Variants in SETD1B observed in about 807,000 individuals in gnomAD.
SETD1B encodes the protein histone-lysine N-methyltransferase SETD1B.
SETD1B carries 7 observed loss-of-function variants against 148.0 expected under a neutral mutation model. That is an observed-to-expected ratio of 0.05 (90% CI 0.03 to 0.09). The LOEUF is 0.09. SETD1B is among the 10% of genes least tolerant of loss of function. The probability of loss-of-function intolerance (pLI) is 1.00; values close to 1 mark genes in which losing one functional copy is unlikely to be tolerated. For synonymous variants in SETD1B, 1,361 were observed against 1,186.5 expected (o/e 1.15, Z -3.02); for missense variants, 2,155 against 2,729.9 (o/e 0.79, Z 4.69).
Position 121,817,849 on chromosome 12 carries a change from CGAG to C in SETD1B, c.3366_3368del (p.Glu1122del), listed in dbSNP as rs1251895869. The C allele has an allele frequency of 1.8e-5, 28 of 1,551,152 alleles. No homozygotes were observed. In the East Asian group the frequency reaches 6.6e-4, roughly 37 times the overall value. The stretch of plus-strand genomic sequence containing the variant: ...ACCGGGACGAGTCTGAGAACGATGA[CGAG>C]GACACAGCCCTGTCAGAGGCGAGTG... On this transcript the variant is annotated inframe_deletion, in exon 10 of 17. Transcript: ENST00000604567. This position sits in a 1 kb window ranked among gnomAD's most constrained non-coding sequence, Gnocchi z 8.1.
the SETD1B span, among the ~76,000 whole-genome samples, chr12:121,796,898 C>T: frequency 2.6e-5 from 4 of 152,076 alleles, no homozygotes; most frequent in Non-Finnish European, 4.4e-5. Flanking sequence ...ATTATCCGGG[C>T]GTGGTGGCAC....
chr12:121,827,688 C>CT, intron 14 of SETD1B, 38 bp downstream of exon 14: 1 of 1,551,588 alleles, frequency 6.4e-7, no homozygotes, highest in Non-Finnish European at 8.7e-7. Flanking sequence ...GGGGTGGCGG[C>CT]AGGACCTGAG....
In SETD1B at chr12:121,817,067, A is replaced by G. The variant is rs772573882; in HGVS notation, c.2750A>G (p.Lys917Arg). Residue 917 changes from lysine to arginine, a missense_variant, in exon 8 of 17, where the codon AAG becomes AGG. Physicochemically the swap from Lys to Arg is conservative, Grantham distance 26. Coordinates refer to ENST00000604567, the MANE Select transcript of SETD1B (RefSeq NM_001353345.2). The surrounding 1 kb of genome is among the most constrained non-coding windows in gnomAD (Gnocchi z 8.1). ...SLTPVKSGEHKDEDRPKPKDR... is the reference protein window; with the variant it reads ...SLTPVKSGEHRDEDRPKPKDR... ...ACCCCGGTGAAGTCGGGCGAGCACA[A>G]GGACGAGGACAGGCCGAAGCCCAAG... The G allele has an allele frequency of 5.8e-6, 9 of 1,538,486 alleles. No individual in the cohort carries two copies. The highest frequency in any genetic ancestry group is 7.9e-6 in the Non-Finnish European group (9 of 1,138,450).
In SETD1B at chr12:121,822,477, C is replaced by T. The variant is rs1876605171; in HGVS notation, c.3911-13C>T. ...GAATAGTAAATGTCTCGTGTTCGCT[C>T]ACCTCTCTGCAGAACATGACCTGGA... is the stretch of plus-strand genomic sequence containing the variant. On this transcript the variant is annotated splice_polypyrimidine_tract_variant and intron_variant, in intron 11 of 16. Transcript: ENST00000604567. The T allele has an allele frequency of 1.3e-6, 2 of 1,523,988 alleles. No individual in the cohort carries two copies. Among genetic ancestry groups the T allele is most frequent in the East Asian group, 2.5e-5 (1 of 40,484 alleles). 94.4% of individuals were successfully genotyped at this position (1,523,988 alleles called of 1,614,324 possible).
Position 121,814,226 on chromosome 12 carries a change from G to T in SETD1B, c.2011G>T (p.Ala671Ser). ...GACCCCAGGAGCGGCAGCCGTGGCAGCCCCTTCTGTGCTAGCCCCAACCCT... is the reference window on the plus strand; with the variant it reads ...GACCCCAGGAGCGGCAGCCGTGGCATCCCCTTCTGTGCTAGCCCCAACCCT... ...VVTPGAAAVAAPSVLAPTLPL... is the reference protein window; with the variant it reads ...VVTPGAAAVASPSVLAPTLPL... The change falls in exon 7 of 17, where the codon GCC becomes TCC. Residue 671 changes from alanine (A) to serine (S), a missense_variant. By Grantham distance (99) the Ala-to-Ser change is moderately conservative. Coordinates refer to ENST00000604567, the MANE Select transcript of SETD1B (RefSeq NM_001353345.2). The T allele has an allele frequency of 6.5e-7, 1 of 1,532,678 alleles. No homozygotes were observed. The allele number at this position is 1,532,678 out of a possible 1,614,324, so 94.9% of individuals were successfully genotyped here.
rs1253380882 is a variant in SETD1B, at chr12:121,805,246, C to T, written c.273+30C>T. ...GACCCCTCCCCACTGCCCCGCCGTC[C>T]CTCCCCCACCTCCCCGAGTTCGAAA... On this transcript the variant is annotated intron_variant, in intron 3 of 16. Coordinates refer to ENST00000604567, the MANE Select transcript of SETD1B (RefSeq NM_001353345.2). This position sits in a 1 kb window ranked among gnomAD's most constrained non-coding sequence, Gnocchi z 4.2. 2 of 1,478,078 alleles carry T rather than the reference C, an allele frequency of 1.4e-6. No individual in the cohort carries two copies. The highest frequency in any genetic ancestry group is 1.8e-6 in the Non-Finnish European group (2 of 1,083,082). The allele number at this position is 1,478,078 out of a possible 1,614,324, so 91.6% of individuals were successfully genotyped here.
rs576677469 is a variant in SETD1B, at chr12:121,819,288, T to C, written c.3419-116T>C. ...AGTGAACACATGCCCCACACACATA[T>C]CTGAGGGCCGTGTTCAGCCTGGGTG... On this transcript the variant is annotated intron_variant, in intron 10 of 16. Transcript: ENST00000604567. 4.4e-5 allele frequency: 66 copies of C among 1,502,608 alleles called. 1 individual carries two copies. The Middle Eastern group carries it at 5.4e-4, about 12-fold the overall frequency. The allele number at this position is 1,502,608 out of a possible 1,614,324, so 93.1% of individuals were successfully genotyped here. A position where few individuals can be genotyped will look rare whatever the true frequency, so the allele number is the denominator to read the frequency against.
At position 121,817,107 on chromosome 12, in the gene SETD1B, G is replaced by A. The variant is rs1213847706; in HGVS notation, c.2790G>A (p.Ser930=). The A allele has an allele frequency of 1.1e-5, 17 of 1,548,986 alleles. No homozygotes were observed. The East Asian group carries it at 2.2e-4, about 20-fold the overall frequency. The change falls in exon 8 of 17, where the codon TCG becomes TCA. Residue 930 remains serine, a synonymous_variant. Coordinates refer to ENST00000604567, the MANE Select transcript of SETD1B (RefSeq NM_001353345.2). The surrounding 1 kb of genome is among the most constrained non-coding windows in gnomAD (Gnocchi z 8.1). Reference sequence around the variant, plus strand: ...CGAAGCCCAAGGACCGCATCGCCTCGTGCCTGCTGGAGTCATGGGGCAAGG... The same window carrying A: ...CGAAGCCCAAGGACCGCATCGCCTCATGCCTGCTGGAGTCATGGGGCAAGG... ...DRPKPKDRIA[S]CLLESWGKGE...
upstream of SETD1B, chr12:121,802,800 A>G (rs2137536182): frequency 6.6e-6 from 1 of 152,368 alleles, no homozygotes; most frequent in African/African-American, 2.4e-5. Flanking sequence ...GACAAATGTT[A>G]AACACACTGA....
chr12:121,811,941 C>T (rs906808961), intron 6 of SETD1B, among the ~76,000 whole-genome samples: 2 of 152,134 alleles, frequency 1.3e-5, no homozygotes, highest in Non-Finnish European at 2.9e-5. Flanking sequence ...GGGGGGCCGC[C>T]GGCCCTGGCA....
At position 121,817,799 on chromosome 12, in the gene SETD1B, G is replaced by T. The variant is rs1413064679; in HGVS notation, c.3313G>T (p.Asp1105Tyr). 2.6e-6 allele frequency: 4 copies of T among 1,549,326 alleles called. No individual in the cohort carries two copies. The Admixed American group carries it at 7.9e-5, about 31-fold the overall frequency. Residue 1105 changes from aspartate (D) to tyrosine (Y), a missense_variant and splice_region_variant, in exon 10 of 17, where the codon GAT becomes TAT. Physicochemically the swap from Asp to Tyr is radical, Grantham distance 160. Transcript: ENST00000604567. This position sits in a 1 kb window ranked among gnomAD's most constrained non-coding sequence, Gnocchi z 8.1. ...GTCCCCACTCTTCCTTCTCCCCCAG[G>T]ATGACGACGATGACGACAGTGATGA... Reference protein sequence around the residue: ...SSSTSSTSDKDDDDDDSDDRD... With the variant: ...SSSTSSTSDKYDDDDDSDDRD...
chr12:121,799,166 C>A (rs1875169812), upstream of SETD1B: 1 of 152,264 alleles, frequency 6.6e-6, no homozygotes, highest in Admixed American at 6.5e-5. Context: ...AACCACTGAT[C>A]TAGCCCTGTT....
At chr12:121,829,330 G>C (rs1389658108) in intron 16 of SETD1B, among the ~76,000 whole-genome samples, 1 of 152,220 alleles carries the variant, frequency 6.6e-6, no homozygotes, top group African/African-American at 2.4e-5. Flanking sequence ...GGCCCCAGAA[G>C]TGGAGAGCAG....
At position 121,810,943 on chromosome 12, in the gene SETD1B, G is replaced by T; in HGVS notation, c.1890+108G>T. On this transcript the variant is annotated intron_variant, in intron 6 of 16. Transcript: ENST00000604567. The surrounding 1 kb of genome is among the most constrained non-coding windows in gnomAD (Gnocchi z 7.6). ...CTAGCTAAGATGCGGAAGCAATGGG[G>T]CTAGGAAAGCCAATATAACAGGTGG... 1 of 1,335,186 alleles carries T rather than the reference G, an allele frequency of 7.5e-7. No homozygotes were observed. 82.7% of individuals were successfully genotyped at this position (1,335,186 alleles called of 1,614,324 possible).
intron 13 of SETD1B, 66 bp downstream of exon 13, chr12:121,825,432 A>ATGAGTGCCC: frequency 8.2e-7 from 1 of 1,218,272 alleles, no homozygotes; most frequent in Non-Finnish European, 1.1e-6. Flanking sequence ...CAGGGCACTC[A>ATGAGTGCCC]TGGAGGGGTG....
In SETD1B at chr12:121,805,827, C is replaced by T. The variant is rs575965645; in HGVS notation, c.274-8C>T. On this transcript the variant is annotated splice_polypyrimidine_tract_variant and splice_region_variant and intron_variant, in intron 3 of 16. Transcript: ENST00000604567. The surrounding 1 kb of genome is among the most constrained non-coding windows in gnomAD (Gnocchi z 4.2). The stretch of plus-strand genomic sequence containing the variant: ...CTTCAAACTCCCTTCCCCCTCGGCC[C>T]CTGCCAGATCGATGAGTTCTACGTG... 1.3e-6 allele frequency: 2 copies of T among 1,550,756 alleles called. No individual in the cohort carries two copies. The highest frequency in any genetic ancestry group is 1.4e-5 in the African/African-American group (1 of 73,104).
intron 13 of SETD1B, among the ~76,000 whole-genome samples, chr12:121,826,757 G>T (rs1876860999): frequency 6.6e-6 from 1 of 152,092 alleles, no homozygotes; most frequent in Admixed American, 6.5e-5. Flanking sequence ...GCCATTAGCT[G>T]TGGAAGAATA....
chr12:121,819,277 C>T (rs1425162445), intron 10 of SETD1B, 127 bp from the exon 11 acceptor site: 3 of 1,478,366 alleles, frequency 2.0e-6, no homozygotes, highest in Admixed American at 2.7e-5. Context: ...AACACATGCC[C>T]CACACACATA....
At chr12:121,828,265 C>T (rs775824656) in intron 16 of SETD1B, among the ~76,000 whole-genome samples, 195 bp downstream of exon 16, 5 of 152,258 alleles carry the variant, frequency 3.3e-5, no homozygotes, top group Non-Finnish European at 7.3e-5. Context: ...GCCTCAGTTT[C>T]TCATCTGTCA....
Sources: gnomAD v4.1 joint callset for allele counts (sites outside exome capture counted in the v4.1 genomes callset) on GRCh38, gnomAD v4.1.1 for gene constraint, Gnocchi (gnomAD v3.1) non-coding constraint, MANE v1.5 for transcripts, NCBI Gene and HGNC (gene_info 2026-07-23, HGNC 2026-07-21) for gene names.